The following BCKDK variants were observed in gnomAD, a reference collection of about 807,000 sequenced individuals.
The protein encoded by BCKDK is branched chain keto acid dehydrogenase kinase.
BCKDK carries 28 observed loss-of-function variants against 43.9 expected under a neutral mutation model. The observed-to-expected ratio is 0.64, with a 90% CI of 0.47 to 0.87. BCKDK has a LOEUF of 0.87. BCKDK is among the 40% of genes least tolerant of loss of function. The pLI, the probability that BCKDK is intolerant of heterozygous loss-of-function variation, is 0.00. For missense variants in BCKDK, 483 were observed against 581.4 expected, an observed-to-expected ratio of 0.83 and a Z score of 1.74; for synonymous variants, 257 against 234.3, an observed-to-expected ratio of 1.10 and a Z score of -0.88.
Position 31,110,900 on chromosome 16 carries a change from CTT to C in BCKDK, c.716+141_716+142del. 6 of 1,367,300 alleles carry C rather than the reference CTT, an allele frequency of 4.4e-6. No homozygotes were observed. Among genetic ancestry groups the C allele is most frequent in the Non-Finnish European group, 6.1e-6 (6 of 980,832 alleles). The allele number at this position is 1,367,300 out of a possible 1,614,324, so 84.7% of individuals were successfully genotyped here. On this transcript the variant is annotated intron_variant, in intron 8 of 11. Transcript: ENST00000219794. This position sits in a 1 kb window ranked among gnomAD's most constrained non-coding sequence, Gnocchi z 5.4. The stretch of plus-strand genomic sequence containing the variant: ...TATTGACATTTCCAGCCAGATAATT[CTT>C]TGTCACAGGGGCTGCCCCGTGCACG...
chr16:31,117,398 A>AAATTAATAAATT (rs1555503225), downstream of BCKDK: 2 of 234,268 alleles, frequency 8.5e-6, no homozygotes, highest in Non-Finnish European at 1.6e-5. Flanking sequence ...ATAAATAAAT[A>AAATTAATAAATT]AATTAAAAAA....
chr16:31,115,843 A>AT (rs2143954246), downstream of BCKDK: 1 of 152,324 alleles, frequency 6.6e-6, no homozygotes, highest in South Asian at 2.1e-4. Context: ...CTGTATTTTC[A>AT]ACCCGCTCTT....
At position 31,109,306 on chromosome 16, in the gene BCKDK, G is replaced by A. The variant is rs750069562; in HGVS notation, c.83G>A (p.Arg28Gln). ...CTCCTGGGACCCGCACTCGCGCTCC[G>A]GGCCCGCTCGACGTCGGCCACCGAC... ...RPLLGPALAL[R>Q]ARSTSATDTH... The change falls in exon 2 of 12, where the codon CGG (arginine) becomes CAG (glutamine). Residue 28 changes from arginine (R) to glutamine (Q), a missense_variant. Transcript: ENST00000219794. This position sits in a 1 kb window ranked among gnomAD's most constrained non-coding sequence, Gnocchi z 5.3. 3.7e-6 allele frequency: 6 copies of A among 1,606,986 alleles called. No individual in the cohort carries two copies. Among genetic ancestry groups the A allele is most frequent in the South Asian group, 3.3e-5 (3 of 90,642 alleles).
In BCKDK at chr16:31,112,139, C is replaced by G; in HGVS notation, c.1113C>G (p.Pro371=). The change falls in exon 12 of 12, where the codon CCC becomes CCG. Residue 371 remains proline (P), a synonymous_variant. Transcript: ENST00000219794. The surrounding 1 kb of genome is among the most constrained non-coding windows in gnomAD (Gnocchi z 5.0). ...CCCCCAGCTTTGGCTTCGGGTTGCC[C>G]ACGTCACGGGCCTACGCGGAGTACC... ...GPMHGFGFGL[P]TSRAYAEYLG... 6.2e-7 allele frequency: 1 copy of G among 1,611,196 alleles called. No homozygotes were observed. The highest frequency in any genetic ancestry group is 1.1e-5 in the South Asian group (1 of 90,926).
At chr16:31,116,273 C>T (rs1219346454), downstream of BCKDK, among the ~76,000 whole-genome samples, 2 of 149,982 alleles carry the variant, frequency 1.3e-5, no homozygotes, top group Admixed American at 6.7e-5. Flanking sequence ...AGTGCAATGG[C>T]GGGATCTCGG....
At chr16:31,113,859 C>T (rs2057431205), downstream of BCKDK, among the ~76,000 whole-genome samples, 1 of 152,038 alleles carries the variant, frequency 6.6e-6, no homozygotes, top group Non-Finnish European at 1.5e-5. Context: ...TAAGAAAGTG[C>T]TCCCAGAACA....
In BCKDK at chr16:31,110,333, A is replaced by C. The variant is rs199722503; in HGVS notation, c.543+9A>C. 34 of 1,613,968 alleles carry C rather than the reference A, an allele frequency of 2.1e-5. No individual in the cohort carries two copies. Among genetic ancestry groups the C allele is most frequent in the Non-Finnish European group, 2.9e-5 (34 of 1,179,926 alleles). On this transcript the variant is annotated intron_variant, in intron 6 of 11. Transcript: ENST00000219794. The surrounding 1 kb of genome is among the most constrained non-coding windows in gnomAD (Gnocchi z 5.4). ...GCCGGAAGCACATAGAGGTTGGGGC[A>C]GCAAAGGAGAGGCCGGGCCTGCTGG...
rs1479828291 is a variant in BCKDK, at chr16:31,112,408, C to G, written c.*143C>G. 7.5e-7 allele frequency: 1 copy of G among 1,339,224 alleles called. No homozygotes were observed. The highest frequency in any genetic ancestry group is 1.9e-5 in the Admixed American group (1 of 51,838). The allele number at this position is 1,339,224 out of a possible 1,614,324, so 83.0% of individuals were successfully genotyped here. ...CCCAGACAGATGGACTTACATGGAG[C>G]TGGGCACTGCCCTGCCTCAACAGGG... On this transcript the variant is annotated 3_prime_UTR_variant, in exon 12 of 12. Transcript: ENST00000219794. This position sits in a 1 kb window ranked among gnomAD's most constrained non-coding sequence, Gnocchi z 5.0.
At chr16:31,116,539 A>T (rs1232935149), downstream of BCKDK, among the ~76,000 whole-genome samples, 1 of 151,706 alleles carries the variant, frequency 6.6e-6, no homozygotes, top group Non-Finnish European at 1.5e-5. Flanking sequence ...AGGGTGAATT[A>T]TGGCCTGTCC....
In BCKDK at chr16:31,110,430, C is replaced by T; in HGVS notation, c.573C>T (p.Asp191=). Reference sequence around the variant, plus strand: ...AAAAGCTCGTCCGCTACTTCTTGGACAAGACGCTGACTTCGAGGCTTGGAA... The same window carrying T: ...AAAAGCTCGTCCGCTACTTCTTGGATAAGACGCTGACTTCGAGGCTTGGAA... ...EDEKLVRYFL[D]KTLTSRLGIR... is the part of the protein sequence containing the mutation. The change falls in exon 7 of 12, where the codon GAC becomes GAT. Residue 191 remains aspartate (D), a synonymous_variant. Coordinates refer to ENST00000219794, the MANE Select transcript of BCKDK (RefSeq NM_005881.4). The surrounding 1 kb of genome is among the most constrained non-coding windows in gnomAD (Gnocchi z 5.4). 1 of 1,613,962 alleles carries T rather than the reference C, an allele frequency of 6.2e-7. No individual in the cohort carries two copies. The highest frequency in any genetic ancestry group is 2.2e-5 in the East Asian group (1 of 44,880).
chr16:31,112,401 C>G lies in BCKDK; in HGVS notation c.*136C>G. On this transcript the variant is annotated 3_prime_UTR_variant, in exon 12 of 12. Coordinates refer to ENST00000219794, the MANE Select transcript of BCKDK (RefSeq NM_005881.4). The surrounding 1 kb of genome is among the most constrained non-coding windows in gnomAD (Gnocchi z 5.0). The stretch of plus-strand genomic sequence containing the variant: ...TCAGGGACCCAGACAGATGGACTTA[C>G]ATGGAGCTGGGCACTGCCCTGCCTC... The G allele has an allele frequency of 7.1e-7, 1 of 1,399,824 alleles. No homozygotes were observed. The highest frequency in any genetic ancestry group is 9.8e-7 in the Non-Finnish European group (1 of 1,016,894). The allele number at this position is 1,399,824 out of a possible 1,614,324, so 86.7% of individuals were successfully genotyped here.
At chr16:31,117,603 G>C (rs1019723802), downstream of BCKDK, 10 of 1,188,060 alleles carry the variant, frequency 8.4e-6, no homozygotes, top group African/African-American at 1.6e-4. Context: ...AAACCTTGAG[G>C]AGCCCGCCCC....
chr16:31,110,034 G>T lies in BCKDK; in HGVS notation c.376-43G>T, dbSNP rs200230790. ...GGTGGGGGTGGCTGTTCTCTGCTCA[G>T]TGCCCATGCGGCTTTGTGAATTCCC... On this transcript the variant is annotated intron_variant, in intron 4 of 11. Coordinates refer to ENST00000219794, the MANE Select transcript of BCKDK (RefSeq NM_005881.4). The surrounding 1 kb of genome is among the most constrained non-coding windows in gnomAD (Gnocchi z 5.4). 6.2e-7 allele frequency: 1 copy of T among 1,613,786 alleles called. No individual in the cohort carries two copies.
Position 31,109,557 on chromosome 16 carries a change from C to T in BCKDK, c.242C>T (p.Ser81Phe). 6.2e-7 allele frequency: 1 copy of T among 1,614,150 alleles called. No homozygotes were observed. Among genetic ancestry groups the T allele is most frequent in the Non-Finnish European group, 8.5e-7 (1 of 1,180,024 alleles). The part of the protein sequence containing the change: ...TPTMMLYAGR[S>F]QDGSHLLKSA... ...ACCATGATGCTCTACGCTGGCCGCT[C>T]TCAGGACGGCAGCCACCTTCTGGTA... The change falls in exon 3 of 12, where the codon TCT (serine) becomes TTT (phenylalanine). Residue 81 changes from serine (S) to phenylalanine (F), a missense_variant. By Grantham distance (155) the Ser-to-Phe change is radical (BLOSUM62 -2). Coordinates refer to ENST00000219794, the MANE Select transcript of BCKDK (RefSeq NM_005881.4). The surrounding 1 kb of genome is among the most constrained non-coding windows in gnomAD (Gnocchi z 5.3).
rs749211768 is a variant in BCKDK at position 31,112,154 on chromosome 16, C to T, written c.1128C>T (p.Tyr376=). ...TCGGGTTGCCCACGTCACGGGCCTA[C>T]GCGGAGTACCTCGGTGGGTCTCTGC... ...FGFGLPTSRA[Y]AEYLGGSLQL... Residue 376 remains tyrosine, a synonymous_variant, in exon 12 of 12, where the codon TAC becomes TAT. Transcript: ENST00000219794. This position sits in a 1 kb window ranked among gnomAD's most constrained non-coding sequence, Gnocchi z 5.0. The T allele has an allele frequency of 1.1e-5, 17 of 1,613,416 alleles. No homozygotes were observed. The East Asian group carries it at 1.6e-4, about 15-fold the overall frequency.
At chr16:31,111,738 A>G in intron 10 of BCKDK, 131 bp from the exon 11 acceptor site, 1 of 1,237,626 alleles carries the variant, frequency 8.1e-7, no homozygotes, top group Non-Finnish European at 1.1e-6. Context: ...ACAAGGCCCA[A>G]GGGTCTAGGT....
rs2057397900 is a variant in BCKDK at position 31,110,088 on chromosome 16, T to C, written c.387T>C (p.Tyr129=). The part of the protein sequence containing the change: ...NPTILHVHEL[Y]IRAFQKLTDF... ...CCTCTTCCTTGCAGCATGAGCTATA[T>C]ATCCGTGCCTTCCAGAAGCTGACAG... Residue 129 remains tyrosine (Y), a synonymous_variant, in exon 5 of 12, where the codon TAT becomes TAC. Coordinates refer to ENST00000219794, the MANE Select transcript of BCKDK (RefSeq NM_005881.4). The surrounding 1 kb of genome is among the most constrained non-coding windows in gnomAD (Gnocchi z 5.4). The C allele has an allele frequency of 6.2e-7, 1 of 1,614,082 alleles. No individual in the cohort carries two copies. The highest frequency in any genetic ancestry group is 1.3e-5 in the African/African-American group (1 of 74,944).
chr16:31,108,989 G>A lies in BCKDK; in HGVS notation c.-177-58G>A, dbSNP rs921751129. 11 of 454,186 alleles carry A rather than the reference G, an allele frequency of 2.4e-5. No individual in the cohort carries two copies. The highest frequency in any genetic ancestry group is 8.0e-5 in the African/African-American group (4 of 50,144). The allele number at this position is 454,186 out of a possible 1,614,324, so 28.1% of individuals were successfully genotyped here. A position where few individuals can be genotyped will look rare whatever the true frequency, so the allele number is the denominator to read the frequency against. On this transcript the variant is annotated intron_variant, in intron 1 of 11. Transcript: ENST00000219794. The surrounding 1 kb of genome is among the most constrained non-coding windows in gnomAD (Gnocchi z 6.2). ...GGGGAGACCGATGCACAGGTGGAGA[G>A]ATGGTGCGGGTTCTGTGGATTCGGA... is the stretch of plus-strand genomic sequence containing the variant.
chr16:31,109,897 G>C lies in BCKDK; in HGVS notation c.375+114G>C. 7.2e-7 allele frequency: 1 copy of C among 1,380,202 alleles called. No homozygotes were observed. Among genetic ancestry groups the C allele is most frequent in the Middle Eastern group, 1.8e-4 (1 of 5,490 alleles). The allele number at this position is 1,380,202 out of a possible 1,614,324, so 85.5% of individuals were successfully genotyped here. On this transcript the variant is annotated intron_variant, in intron 4 of 11. Coordinates refer to ENST00000219794, the MANE Select transcript of BCKDK (RefSeq NM_005881.4). This position sits in a 1 kb window ranked among gnomAD's most constrained non-coding sequence, Gnocchi z 5.3. ...GCCTAAAGGTGTCAGGGCCACACAG[G>C]ATTCAACCCCAGGCCTTCAGAAGCC...
Sources: allele counts gnomAD v4.1 joint callset (sites outside exome capture counted in the v4.1 genomes callset), GRCh38; gene constraint gnomAD v4.1.1; non-coding constraint Gnocchi (gnomAD v3.1); transcripts MANE v1.5; gene names NCBI Gene and HGNC (gene_info 2026-07-23, HGNC 2026-07-21).